UNC13C: variants seen among roughly 807,000 people sequenced by gnomAD.
The protein encoded by UNC13C is protein unc-13 homolog C.
Under a neutral mutation model 245.4 loss-of-function variants are expected in UNC13C, and 174 were observed. The observed-to-expected ratio is 0.71, with a 90% confidence interval of 0.63 to 0.80. UNC13C has a LOEUF of 0.80. Ranked by LOEUF, UNC13C falls within the 30% of genes least tolerant of loss-of-function variation. The pLI, the probability that UNC13C is intolerant of heterozygous loss-of-function variation, is 0.00. For synonymous variants in UNC13C, 992 were observed against 895.1 expected, an observed-to-expected ratio of 1.11 and a Z score of -1.93; for missense variants, 2,829 against 2,602.9, an observed-to-expected ratio of 1.09 and a Z score of -1.89.
At chr15:54,541,443 C>T (rs557849159) in intron 26 of UNC13C, among the ~76,000 whole-genome samples, 1 of 152,000 alleles carries the variant, frequency 6.6e-6, no homozygotes, top group Non-Finnish European at 1.5e-5. Flanking sequence ...CTCTGTGAAA[C>T]AGGTTTAATT....
At chr15:54,508,403 C>T (rs1056000246) in intron 23 of UNC13C, among the ~76,000 whole-genome samples, 3 of 151,970 alleles carry the variant, frequency 2.0e-5, no homozygotes, top group African/African-American at 7.3e-5. Flanking sequence ...TATGTATTAA[C>T]ATTCTATATT....
At chr15:54,144,905 A>G (rs2032188189) in intron 4 of UNC13C, among the ~76,000 whole-genome samples, 1 of 151,842 alleles carries the variant, frequency 6.6e-6, no homozygotes, top group Non-Finnish European at 1.5e-5. Flanking sequence ...ATACCTCTTT[A>G]TATATGAATA....
intron 24 of UNC13C, among the ~76,000 whole-genome samples, chr15:54,517,509 C>T (rs1418781726): frequency 6.6e-6 from 1 of 152,008 alleles, no homozygotes; most frequent in Non-Finnish European, 1.5e-5. Flanking sequence ...ACTAGAGATG[C>T]CTTTTAGCAC....
At chr15:54,453,049 G>A (rs140592545) in intron 19 of UNC13C, among the ~76,000 whole-genome samples, 102 of 152,266 alleles carry the variant, frequency 6.7e-4, no homozygotes, top group African/African-American at 2.2e-3. Context: ...GCACCATTTT[G>A]TAGCTGCTTA....
At chr15:54,019,155 AG>A (rs1169966295) in intron 2 of UNC13C, among the ~76,000 whole-genome samples, 1 of 152,216 alleles carries the variant, frequency 6.6e-6, no homozygotes, top group Non-Finnish European at 1.5e-5. Flanking sequence ...CAGGTGAGGA[AG>A]CAGATGCTGA....
At chr15:54,136,054 A>G (rs2031712739) in intron 2 of UNC13C, among the ~76,000 whole-genome samples, 1 of 152,166 alleles carries the variant, frequency 6.6e-6, no homozygotes, top group African/African-American at 2.4e-5. Context: ...GTGTAGTCTT[A>G]TAGTTTCCAG....
intron 19 of UNC13C, among the ~76,000 whole-genome samples, chr15:54,464,878 G>GC (rs1308311595): frequency 1.3e-5 from 2 of 150,684 alleles, no homozygotes; most frequent in East Asian, 3.9e-4. Context: ...TTCATGGATT[G>GC]CTTTTTTTTT....
intron 19 of UNC13C, among the ~76,000 whole-genome samples, chr15:54,442,338 T>C (rs996707665): frequency 6.7e-6 from 1 of 149,652 alleles, no homozygotes; most frequent in African/African-American, 2.5e-5. Context: ...TTCTTCTGCC[T>C]CAGCCTCCTG....
At chr15:54,125,343 A>G (rs1000360541) in intron 2 of UNC13C, among the ~76,000 whole-genome samples, 1 of 152,114 alleles carries the variant, frequency 6.6e-6, no homozygotes, top group African/African-American at 2.4e-5. Context: ...GGTGCCTGTA[A>G]TTCCAGCTAC....
At chr15:53,901,255 T>C in the UNC13C span, among the ~76,000 whole-genome samples, 1 of 149,150 alleles carries the variant, frequency 6.7e-6, no homozygotes, top group Non-Finnish European at 1.5e-5. Context: ...AGTCTCACTC[T>C]GTCATCCAGG....
intron 4 of UNC13C, among the ~76,000 whole-genome samples, chr15:54,146,389 T>C (rs1348050140): frequency 3.3e-5 from 5 of 152,178 alleles, no homozygotes. Flanking sequence ...GCATAATCTC[T>C]ACACACTAAA....
chr15:54,144,929 A>G (rs1024155632), intron 4 of UNC13C, among the ~76,000 whole-genome samples: 3 of 151,938 alleles, frequency 2.0e-5, no homozygotes, highest in South Asian at 2.1e-4. Flanking sequence ...AGAGATATCT[A>G]TATAATTAAT....
the UNC13C span, among the ~76,000 whole-genome samples, chr15:53,961,451 T>C: frequency 6.6e-6 from 1 of 152,196 alleles, no homozygotes; most frequent in East Asian, 1.9e-4. Context: ...GTACACACTG[T>C]CATTATGATT....
At chr15:54,213,905 C>T (rs1218829678) in intron 4 of UNC13C, among the ~76,000 whole-genome samples, 1 of 151,860 alleles carries the variant, frequency 6.6e-6, no homozygotes, top group Non-Finnish European at 1.5e-5. Context: ...GTTTACCAGC[C>T]AAAGGCATTG....
intron 4 of UNC13C, among the ~76,000 whole-genome samples, chr15:54,169,760 C>G (rs886316606): frequency 1.5e-4 from 23 of 152,232 alleles, no homozygotes; most frequent in African/African-American, 5.5e-4. Context: ...AACTCCTGTC[C>G]GTACTTTACA....
chr15:54,502,079 G>C (rs1818709), intron 22 of UNC13C, among the ~76,000 whole-genome samples: 73,771 of 151,628 alleles, frequency 0.49, 18,288 homozygotes, highest in Middle Eastern at 0.6. Context: ...ACAGTTCTAT[G>C]TCTGGCTGAT....
At chr15:54,578,406 G>A (rs1291352965) in intron 30 of UNC13C, among the ~76,000 whole-genome samples, 2 of 152,028 alleles carry the variant, frequency 1.3e-5, no homozygotes, top group African/African-American at 4.8e-5. Context: ...TCTCAATTTG[G>A]TGAGAGCCAG....
chr15:54,234,995 C>T lies in UNC13C; in HGVS notation c.3072-35C>T, dbSNP rs372710495. The stretch of plus-strand genomic sequence containing the variant: ...GTTTTTCTTACAAGAAGTCATTTTA[C>T]CCATTGCAATTATTGGTTTTATTTT... On this transcript the variant is annotated intron_variant, in intron 4 of 32. Transcript: ENST00000260323. 9.7e-5 allele frequency: 153 copies of T among 1,578,496 alleles called. 1 individual carries two copies. In the African/African-American group the frequency reaches 1.9e-3, roughly 19 times the overall value.
chr15:54,192,315 A>G (rs951349811), intron 4 of UNC13C, among the ~76,000 whole-genome samples: 1 of 151,350 alleles, frequency 6.6e-6, no homozygotes, highest in African/African-American at 2.4e-5. Flanking sequence ...TTAGTTTCCT[A>G]TTGTTGTTGT....
Sources: gnomAD v4.1 joint callset for allele counts (sites outside exome capture counted in the v4.1 genomes callset) on GRCh38, gnomAD v4.1.1 for gene constraint, MANE v1.5 for transcripts, NCBI Gene and HGNC (gene_info 2026-07-23, HGNC 2026-07-21) for gene names.